Variants in CEP350 observed in about 807,000 individuals in gnomAD.
The protein encoded by CEP350 is centrosome-associated protein 350.
Under a neutral mutation model 331.8 loss-of-function variants are expected in CEP350, and 126 were observed. That is an observed-to-expected ratio of 0.38 (90% CI 0.33 to 0.44). The LOEUF (loss-of-function observed/expected upper bound fraction) is 0.44. Ranked by LOEUF, CEP350 falls within the 20% of genes least tolerant of loss-of-function variation. The pLI is 1.00. For missense variants in CEP350, 3,406 were observed against 3,634.6 expected, an observed-to-expected ratio of 0.94 and a Z score of 1.62; for synonymous variants, 1,200 against 1,259.5, an observed-to-expected ratio of 0.95 and a Z score of 1.00.
rs1661516283 is a variant in CEP350 at position 180,112,633 on chromosome 1, A to T, written c.*1472A>T. Reference sequence around the variant, plus strand: ...TAGGCGTGAATGTAAATGCCTTAATATTGAAGGTCCTGGTTAGAAGCATGA... The same window carrying T: ...TAGGCGTGAATGTAAATGCCTTAATTTTGAAGGTCCTGGTTAGAAGCATGA... On this transcript the variant is annotated 3_prime_UTR_variant, in exon 38 of 38. Transcript: ENST00000367607. 6.6e-6 allele frequency: 1 copy of T among 152,640 alleles called. No individual in the cohort carries two copies. Among genetic ancestry groups the T allele is most frequent in the Admixed American group, 6.5e-5 (1 of 15,274 alleles). The allele number at this position is 152,640 out of a possible 1,614,324, so 9.5% of individuals were successfully genotyped here. A position where few individuals can be genotyped will look rare whatever the true frequency, so the allele number is the denominator to read the frequency against.
chr1:179,973,651 A>G (rs1308601240), intron 1 of CEP350, among the ~76,000 whole-genome samples: 1 of 152,144 alleles, frequency 6.6e-6, no homozygotes, highest in African/African-American at 2.4e-5. Flanking sequence ...GACATCATAT[A>G]TTTAGCTTAT....
intron 27 of CEP350, among the ~76,000 whole-genome samples, chr1:180,071,179 C>T (rs1459410962): frequency 2.0e-5 from 3 of 149,842 alleles, no homozygotes; most frequent in South Asian, 2.1e-4. Flanking sequence ...TGAATAAAGC[C>T]GGGCACGGTG....
Position 180,004,906 on chromosome 1 carries a change from G to GCTTGCTTGCTTGCTTT in CEP350, c.1133-1545_1133-1544insGCTTGCTTGCTTTCTT, listed in dbSNP as rs1363516834. ...TGCTTGCTTGCTTGCTTGCTTGCTT[G>GCTTGCTTGCTTGCTTT]CTTTCTTTCTTTCTTTCTTTCTTTC... On this transcript the variant is annotated intron_variant, in intron 7 of 37. Coordinates refer to ENST00000367607, the MANE Select transcript of CEP350 (RefSeq NM_014810.5). Among the ~76,000 whole-genome samples, 375 of 130,772 alleles carry GCTTGCTTGCTTGCTTT rather than the reference G, an allele frequency of 2.9e-3. 2 individuals are homozygous for GCTTGCTTGCTTGCTTT. The highest frequency in any genetic ancestry group is 7.5e-3 in the African/African-American group (242 of 32,286). 85.8% of individuals were successfully genotyped at this position (130,772 alleles called of 152,430 possible).
At chr1:179,977,464 T>C (rs961889738) in intron 1 of CEP350, among the ~76,000 whole-genome samples, 2 of 152,088 alleles carry the variant, frequency 1.3e-5, no homozygotes, top group African/African-American at 4.8e-5. Flanking sequence ...ATGAGCAGAG[T>C]ATACACAGAG....
chr1:180,022,995 T>C, intron 13 of CEP350, 147 bp downstream of exon 13: 1 of 679,348 alleles, frequency 1.5e-6, no homozygotes, highest in African/African-American at 1.8e-5. Flanking sequence ...GAGCATGGGC[T>C]CTGGATCCAG....
At chr1:180,034,674 T>C (rs1656237549) in intron 16 of CEP350, among the ~76,000 whole-genome samples, 1 of 152,168 alleles carries the variant, frequency 6.6e-6, no homozygotes, top group African/African-American at 2.4e-5. Flanking sequence ...GTTGTATTAC[T>C]AATTGTTTTG....
At chr1:180,012,209 A>G in intron 9 of CEP350, 134 bp downstream of exon 9, 3 of 762,632 alleles carry the variant, frequency 3.9e-6, no homozygotes, top group Non-Finnish European at 6.2e-6. Context: ...AAAAAGAAAA[A>G]AATGTTCTAT....
rs150213254 is a variant in CEP350, at chr1:180,098,108, T to G, written c.9067-755T>G. 7.9e-5 allele frequency among the ~76,000 whole-genome samples: 12 copies of G among 152,122 alleles called. No individual in the cohort carries two copies. The East Asian group carries it at 2.3e-3, about 29-fold the overall frequency. On this transcript the variant is annotated intron_variant, in intron 36 of 37. Coordinates refer to ENST00000367607, the MANE Select transcript of CEP350 (RefSeq NM_014810.5). ...GCCTCAGCCTCCTGAGTAGCTGGGA[T>G]TACAGGCATGCGCTACCTCACCCAG... is the stretch of plus-strand genomic sequence containing the variant.
Position 180,098,824 on chromosome 1 carries a change from CTGT to C in CEP350, c.9067-34_9067-32del, listed in dbSNP as rs1253457840. 4 of 1,578,822 alleles carry C rather than the reference CTGT, an allele frequency of 2.5e-6. No homozygotes were observed. In the Admixed American group the frequency reaches 5.3e-5, roughly 21 times the overall value. Reference sequence around the variant, plus strand: ...GTAAACACATGAAACTCAGGAATTTCTGTTGTTTGTGTTTCGTGTATTTGTCTT... The same window carrying C: ...GTAAACACATGAAACTCAGGAATTTCTGTTTGTGTTTCGTGTATTTGTCTT... On this transcript the variant is annotated intron_variant, in intron 36 of 37. Transcript: ENST00000367607.
At chr1:180,109,362 C>T (rs1028684618) in intron 37 of CEP350, among the ~76,000 whole-genome samples, 2 of 152,138 alleles carry the variant, frequency 1.3e-5, no homozygotes, top group South Asian at 4.1e-4. Context: ...TCGTGATCCA[C>T]CCGTCTCCGC....
intron 1 of CEP350, chr1:179,969,116 C>A: frequency 1.5e-6 from 1 of 669,318 alleles, no homozygotes; most frequent in Non-Finnish European, 2.8e-6. Context: ...CATTGCCATC[C>A]CGTGCAACAA....
Position 179,959,995 on chromosome 1 carries a change from CA to C in CEP350, c.-14+4856del, listed in dbSNP as rs58418250. The stretch of plus-strand genomic sequence containing the variant: ...TTGGAAACTGCAACTTCTAAGACCC[CA>C]AACACCTCTAATATTAAACATTGAA... On this transcript the variant is annotated intron_variant, in intron 1 of 37. Transcript: ENST00000367607. Among the ~76,000 whole-genome samples, 506 of 152,224 alleles carry C rather than the reference CA, an allele frequency of 3.3e-3. 1 individual carries two copies. Among genetic ancestry groups the C allele is most frequent in the African/African-American group, 0.011 (454 of 41,520 alleles).
chr1:180,010,754 A>G (rs965823481), intron 8 of CEP350, among the ~76,000 whole-genome samples: 7 of 151,662 alleles, frequency 4.6e-5, no homozygotes, highest in African/African-American at 1.7e-4. Flanking sequence ...GGCACGCATC[A>G]CTGTACCCAG....
At chr1:180,051,061 T>A (rs1657467276) in intron 22 of CEP350, among the ~76,000 whole-genome samples, 1 of 152,232 alleles carries the variant, frequency 6.6e-6, no homozygotes, top group Non-Finnish European at 1.5e-5. Context: ...AACTTATGTC[T>A]ACATAACAAC....
At chr1:180,104,179 C>G (rs1401172961) in intron 37 of CEP350, among the ~76,000 whole-genome samples, 5 of 150,786 alleles carry the variant, frequency 3.3e-5, no homozygotes, top group East Asian at 1.9e-4. Context: ...TCTGCTGGAA[C>G]TGATTCTTGA....
rs113395531 is a variant in CEP350, at chr1:180,065,013, A to G, written c.5410-102A>G. The stretch of plus-strand genomic sequence containing the variant: ...TTATCTTATTTTCAACTATTGTTAT[A>G]AACATTGTATTGTGGATAAACTTAA... On this transcript the variant is annotated intron_variant, in intron 26 of 37. Coordinates refer to ENST00000367607, the MANE Select transcript of CEP350 (RefSeq NM_014810.5). 1.1e-3 allele frequency: 1,402 copies of G among 1,232,152 alleles called. 22 individuals are homozygous for G. In the African/African-American group the frequency reaches 0.019, roughly 16 times the overall value. 76.3% of individuals were successfully genotyped at this position (1,232,152 alleles called of 1,614,324 possible). A position where few individuals can be genotyped will look rare whatever the true frequency, so the allele number is the denominator to read the frequency against.
At chr1:179,986,565 A>G (rs1376796100) in intron 2 of CEP350, among the ~76,000 whole-genome samples, 1 of 152,178 alleles carries the variant, frequency 6.6e-6, no homozygotes, top group Non-Finnish European at 1.5e-5. Flanking sequence ...GGTACAGATA[A>G]TAATAGTAAC....
intron 37 of CEP350, among the ~76,000 whole-genome samples, chr1:180,103,446 TC>T (rs1348418461): frequency 3.3e-5 from 5 of 152,334 alleles, no homozygotes; most frequent in Admixed American, 1.3e-4. Context: ...ACCAAGGACT[TC>T]CTTACCCTAT....
intron 17 of CEP350, among the ~76,000 whole-genome samples, chr1:180,038,717 T>G (rs190709708): frequency 6.6e-6 from 1 of 152,322 alleles, no homozygotes; most frequent in Non-Finnish European, 1.5e-5. Context: ...CATTATGGGA[T>G]TGTCTTTTTA....
Sources: gnomAD v4.1 joint callset for allele counts (sites outside exome capture counted in the v4.1 genomes callset) on GRCh38, gnomAD v4.1.1 for gene constraint, MANE v1.5 for transcripts, NCBI Gene and HGNC (gene_info 2026-07-23, HGNC 2026-07-21) for gene names.